SUCO: variants seen among roughly 807,000 people sequenced by gnomAD.
SUCO encodes SUN domain containing ossification factor.
A neutral mutation model predicts 148.1 loss-of-function variants in SUCO; 57 were observed. The ratio of observed to expected loss-of-function variants is 0.38; its 90% CI spans 0.31 to 0.48. The LOEUF (loss-of-function observed/expected upper bound fraction) is 0.48, where lower values mean the gene tolerates loss of function less well. SUCO is among the 20% of genes least tolerant of loss of function. SUCO has a pLI of 0.96. For missense variants in SUCO, 1,331 were observed against 1,468.2 expected (o/e 0.91, Z 1.53); for synonymous variants, 470 against 502.7 (o/e 0.93, Z 0.87).
rs779788898 is a variant in SUCO at position 172,589,383 on chromosome 1, C to A, written c.2282C>A (p.Pro761Gln). 6.2e-7 allele frequency: 1 copy of A among 1,613,648 alleles called. No homozygotes were observed. Among genetic ancestry groups the A allele is most frequent in the Admixed American group, 1.7e-5 (1 of 59,958 alleles). ...ESVEYEAGHIPSPVIPQESSV... is the reference protein window; with the variant it reads ...ESVEYEAGHIQSPVIPQESSV... ...GTTGAATATGAGGCAGGACATATAC[C>A]ATCACCAGTGATTCCCCAAGAGAGT... Residue 761 changes from proline to glutamine, a missense_variant, in exon 18 of 24, where the codon CCA becomes CAA. By Grantham distance (76) the Pro-to-Gln change is moderately conservative. This residue lies in a region of SUCO where 992 missense variants were observed against 1,093.5 expected (regional missense o/e 0.91). Coordinates refer to ENST00000263688, the MANE Select transcript of SUCO (RefSeq NM_014283.5).
intron 1 of SUCO, among the ~76,000 whole-genome samples, chr1:172,546,110 A>G (rs1365133728): frequency 6.6e-6 from 1 of 151,978 alleles, no homozygotes; most frequent in Non-Finnish European, 1.5e-5. Flanking sequence ...TAATTTTTGT[A>G]TGTTTTGTAG....
chr1:172,576,704 A>G (rs1655467004), intron 11 of SUCO, among the ~76,000 whole-genome samples: 1 of 151,714 alleles, frequency 6.6e-6, no homozygotes, highest in African/African-American at 2.4e-5. Flanking sequence ...AATGCCTTAT[A>G]AAACTTTCCA....
chr1:172,565,942 C>T (rs1344335674), intron 6 of SUCO, among the ~76,000 whole-genome samples: 2 of 152,184 alleles, frequency 1.3e-5, no homozygotes, highest in Non-Finnish European at 2.9e-5. Flanking sequence ...GGGACACACC[C>T]ATCCACAGAA....
intron 15 of SUCO, among the ~76,000 whole-genome samples, 169 bp from the exon 16 acceptor site, chr1:172,584,849 G>A (rs543169060): frequency 1.3e-5 from 2 of 152,262 alleles, no homozygotes; most frequent in South Asian, 4.1e-4. Context: ...TACACTTTTG[G>A]CTAAAATTTA....
chr1:172,563,547 A>G (rs1004391745), intron 6 of SUCO, among the ~76,000 whole-genome samples: 7 of 152,240 alleles, frequency 4.6e-5, no homozygotes, highest in Non-Finnish European at 7.3e-5. Context: ...AGAAATTTCT[A>G]GGCAGTAAAG....
At chr1:172,534,083 G>A (rs1651834094) in intron 1 of SUCO, among the ~76,000 whole-genome samples, 1 of 152,168 alleles carries the variant, frequency 6.6e-6, no homozygotes, top group Admixed American at 6.5e-5. Flanking sequence ...CAATTGGTTT[G>A]GTGGAGAGGG....
intron 6 of SUCO, among the ~76,000 whole-genome samples, chr1:172,560,652 G>A (rs1654080805): frequency 6.6e-6 from 1 of 152,162 alleles, no homozygotes; most frequent in African/African-American, 2.4e-5. Context: ...TTTACTTCTG[G>A]TGTTACTATG....
chr1:172,579,208 C>T lies in SUCO; in HGVS notation c.1439C>T (p.Pro480Leu). ...QELFDEDYDY[P>L]LDYNTGEDKS... ...TTATTTTCGTTTTTAACAGATTATC[C>T]ACTGGATTATAATACTGGAGAGGAT... Residue 480 changes from proline to leucine, a missense_variant, in exon 15 of 24, where the codon CCA becomes CTA. Transcript: ENST00000263688. 1 of 1,576,598 alleles carries T rather than the reference C, an allele frequency of 6.3e-7. No homozygotes were observed. The highest frequency in any genetic ancestry group is 8.7e-7 in the Non-Finnish European group (1 of 1,148,592).
rs1653432211 is a variant in SUCO at position 172,553,142 on chromosome 1, CAAAT to C, written c.178-114_178-111del. ...GTATACAAATGAAATTAATTAGAGT[CAAAT>C]AAACAAGGCAGTTTTTTGGTTTTAA... is the stretch of plus-strand genomic sequence containing the variant. On this transcript the variant is annotated intron_variant, in intron 2 of 23. Transcript: ENST00000263688. The C allele has an allele frequency of 8.1e-6, 9 of 1,115,260 alleles. No homozygotes were observed. In the South Asian group the frequency reaches 1.9e-4, roughly 24 times the overall value. The allele number at this position is 1,115,260 out of a possible 1,614,324, so 69.1% of individuals were successfully genotyped here.
intron 1 of SUCO, among the ~76,000 whole-genome samples, chr1:172,544,623 G>A (rs1056882327): frequency 6.6e-6 from 1 of 152,142 alleles, no homozygotes; most frequent in Non-Finnish European, 1.5e-5. Context: ...TTGAAAGAGG[G>A]AACAGCATGA....
At position 172,602,091 on chromosome 1, in the gene SUCO, A is replaced by G. The variant is rs1657569999; in HGVS notation, c.3046A>G (p.Ile1016Val). The change falls in exon 21 of 24, where the codon ATA becomes GTA. Residue 1016 changes from isoleucine to valine, a missense_variant. By Grantham distance (29) the Ile-to-Val change is conservative. Transcript: ENST00000263688. Reference protein sequence around the residue: ...EVSDRQSYLVISLVLCVVLGL... With the variant: ...EVSDRQSYLVVSLVLCVVLGL... ...TTCAGATCGACAAAGCTATCTTGTC[A>G]TATCTTTGGTTCTTTGTGTTGTCTT... 1.2e-6 allele frequency: 2 copies of G among 1,612,036 alleles called. No individual in the cohort carries two copies. Among genetic ancestry groups the G allele is most frequent in the South Asian group, 1.1e-5 (1 of 90,396 alleles).
intron 22 of SUCO, chr1:172,607,959 C>G (rs1657967686): frequency 2.8e-6 from 1 of 353,272 alleles, no homozygotes. Flanking sequence ...GCTTTTGTCT[C>G]TGTCAGACCT....
At chr1:172,565,826 C>T (rs1451971410) in intron 6 of SUCO, among the ~76,000 whole-genome samples, 1 of 152,218 alleles carries the variant, frequency 6.6e-6, no homozygotes, top group Non-Finnish European at 1.5e-5. Flanking sequence ...GGAAGAGGTG[C>T]TCAGGATGTG....
chr1:172,575,109 T>C (rs1370977998), intron 10 of SUCO, among the ~76,000 whole-genome samples: 4 of 152,036 alleles, frequency 2.6e-5, no homozygotes. Flanking sequence ...TATGTCAAAC[T>C]CAGATGTGGT....
intron 1 of SUCO, chr1:172,541,981 C>G (rs939719486): frequency 3.2e-6 from 1 of 315,550 alleles, no homozygotes; most frequent in Non-Finnish European, 4.6e-6. Flanking sequence ...GAAGAGTTGG[C>G]AAAGGGCTTG....
At position 172,589,200 on chromosome 1, in the gene SUCO, G is replaced by A. The variant is rs116494412; in HGVS notation, c.2099G>A (p.Gly700Asp). 12 of 1,613,996 alleles carry A rather than the reference G, an allele frequency of 7.4e-6. No individual in the cohort carries two copies. The highest frequency in any genetic ancestry group is 1.1e-5 in the South Asian group (1 of 91,068). Residue 700 changes from glycine (G) to aspartate (D), a missense_variant, in exon 18 of 24, where the codon GGT (glycine) becomes GAT (aspartate). Coordinates refer to ENST00000263688, the MANE Select transcript of SUCO (RefSeq NM_014283.5). ...AGGGAAGCTGAAACTGTTGTTCTGG[G>A]TGATTTAAGTAGTAGTATGCACCAG... ...IEREAETVVL[G>D]DLSSSMHQDD...
intron 10 of SUCO, among the ~76,000 whole-genome samples, chr1:172,574,375 TAAA>T (rs1021458412): frequency 3.3e-5 from 5 of 152,094 alleles, no homozygotes; most frequent in African/African-American, 1.2e-4. Context: ...ACATTTCTTT[TAAA>T]AGTTGTTAAA....
At chr1:172,548,216 T>C (rs1653005903) in intron 1 of SUCO, among the ~76,000 whole-genome samples, 1 of 151,854 alleles carries the variant, frequency 6.6e-6, no homozygotes, top group Admixed American at 6.6e-5. Flanking sequence ...TTTTCAAATA[T>C]ATTGTTATAT....
chr1:172,607,009 T>G (rs1657907090), intron 22 of SUCO, among the ~76,000 whole-genome samples: 1 of 151,938 alleles, frequency 6.6e-6, no homozygotes, highest in Non-Finnish European at 1.5e-5. Flanking sequence ...CCAGGAGTTC[T>G]TTTTGTATTT....
Sources: allele counts gnomAD v4.1 joint callset (sites outside exome capture counted in the v4.1 genomes callset), GRCh38; gene constraint gnomAD v4.1.1; regional missense constraint gnomAD v4.1.1; transcripts MANE v1.5; gene names NCBI Gene and HGNC (gene_info 2026-07-23, HGNC 2026-07-21).